Variants in CAP2 observed in about 807,000 individuals in gnomAD.
CAP2 encodes adenylyl cyclase-associated protein 2.
A neutral mutation model predicts 57.7 loss-of-function variants in CAP2; 24 were observed. The observed-to-expected ratio is 0.42, with a 90% confidence interval of 0.30 to 0.58. The LOEUF is 0.58. CAP2 is among the 20% of genes least tolerant of loss of function. CAP2 has a pLI of 0.22. For missense variants in CAP2, 501 were observed against 590.3 expected (o/e 0.85, Z 1.57); for synonymous variants, 194 against 207.2 (o/e 0.94, Z 0.55).
chr6:17,527,281 A>G (rs556915018), intron 7 of CAP2, among the ~76,000 whole-genome samples: 4 of 152,292 alleles, frequency 2.6e-5, no homozygotes, highest in African/African-American at 9.6e-5. Context: ...TTCAAGCCAC[A>G]TGTCCCTCTT....
chr6:17,459,271 T>G (rs543477045), intron 3 of CAP2, among the ~76,000 whole-genome samples: 1 of 152,286 alleles, frequency 6.6e-6, no homozygotes, highest in South Asian at 2.1e-4. Context: ...AAGACACAAA[T>G]AAAGACTGGA....
chr6:17,552,163 C>G (rs1368981153), intron 12 of CAP2, among the ~76,000 whole-genome samples: 1 of 152,194 alleles, frequency 6.6e-6, no homozygotes, highest in Non-Finnish European at 1.5e-5. Flanking sequence ...TCCAATGGCC[C>G]TTCTGAGAAA....
At chr6:17,412,489 A>G (rs1262859472) in intron 1 of CAP2, among the ~76,000 whole-genome samples, 1 of 152,202 alleles carries the variant, frequency 6.6e-6, no homozygotes, top group African/African-American at 2.4e-5. Context: ...TTGTCAGTGA[A>G]GGGGCTGGAT....
intron 12 of CAP2, 82 bp downstream of exon 12, chr6:17,551,686 C>T: frequency 9.4e-7 from 1 of 1,067,506 alleles, no homozygotes; most frequent in East Asian, 2.5e-5. Context: ...AATCAGCTAC[C>T]AACCTGCGAG....
intron 3 of CAP2, among the ~76,000 whole-genome samples, chr6:17,428,305 T>C (rs1759640926): frequency 6.6e-6 from 1 of 152,206 alleles, no homozygotes; most frequent in South Asian, 2.1e-4. Flanking sequence ...GGGTTAGTCA[T>C]TGTTTGCATT....
At chr6:17,400,319 C>A (rs982404852) in intron 1 of CAP2, among the ~76,000 whole-genome samples, 2 of 152,114 alleles carry the variant, frequency 1.3e-5, no homozygotes, top group African/African-American at 4.8e-5. Context: ...GAGAAAATAA[C>A]CTCTGTTACT....
chr6:17,411,041 T>G (rs995433273), intron 1 of CAP2, among the ~76,000 whole-genome samples: 3 of 140,206 alleles, frequency 2.1e-5, no homozygotes, highest in Non-Finnish European at 1.6e-5. Flanking sequence ...AATGGAATCA[T>G]ACAATACACA....
At chr6:17,526,364 C>T (rs1384230965) in intron 7 of CAP2, among the ~76,000 whole-genome samples, 2 of 151,938 alleles carry the variant, frequency 1.3e-5, no homozygotes, top group African/African-American at 4.8e-5. Flanking sequence ...GTGATCCAAC[C>T]TTCTGTGCCT....
chr6:17,418,509 C>T (rs1352345441), intron 1 of CAP2, among the ~76,000 whole-genome samples: 1 of 152,046 alleles, frequency 6.6e-6, no homozygotes, highest in Non-Finnish European at 1.5e-5. Flanking sequence ...TGAGATAGTG[C>T]GAGTTTGGGT....
chr6:17,518,965 A>G (rs1321010146), intron 7 of CAP2, among the ~76,000 whole-genome samples: 3 of 152,272 alleles, frequency 2.0e-5, no homozygotes, highest in South Asian at 2.1e-4. Context: ...AACCCATTCC[A>G]TCTTAACAGA....
chr6:17,489,578 G>A (rs929189095), intron 4 of CAP2, among the ~76,000 whole-genome samples: 1 of 152,134 alleles, frequency 6.6e-6, no homozygotes, highest in Non-Finnish European at 1.5e-5. Flanking sequence ...ATGTCCCACA[G>A]TTGGCATTAC....
chr6:17,556,442 A>C lies in CAP2; in HGVS notation c.1434A>C (p.Ter478TyrextTer10). 1 of 1,606,242 alleles carries C rather than the reference A, an allele frequency of 6.2e-7. No individual in the cohort carries two copies. The highest frequency in any genetic ancestry group is 8.5e-7 in the Non-Finnish European group (1 of 1,172,842). ...CTGAACCTGCAGAAATTATGGCCTA[A>C]CTTCCTGAGAGACCGAACCCCCTCA... ...LITEPAEIMA[*>Y] The change falls in exon 13 of 13, where the codon TAA becomes TAC. Residue 478 changes from the stop codon to tyrosine (Y), a stop_lost. Transcript: ENST00000229922.
At chr6:17,543,392 C>T (rs1293788959) in intron 11 of CAP2, among the ~76,000 whole-genome samples, 3 of 151,708 alleles carry the variant, frequency 2.0e-5, no homozygotes, top group Non-Finnish European at 4.4e-5. Context: ...CCGAGGTGGG[C>T]GGATCACGAG....
intron 2 of CAP2, among the ~76,000 whole-genome samples, chr6:17,424,588 G>A (rs566591845): frequency 1.4e-4 from 22 of 152,082 alleles, no homozygotes; most frequent in African/African-American, 2.7e-4. Flanking sequence ...TTTATAATGC[G>A]ACAAACACTG....
chr6:17,512,339 C>A (rs754459363), intron 6 of CAP2, among the ~76,000 whole-genome samples: 3 of 151,506 alleles, frequency 2.0e-5, no homozygotes, highest in Non-Finnish European at 4.4e-5. Context: ...GAGGCTACAG[C>A]AAGCTATGAT....
chr6:17,468,266 A>C (rs1374870927), intron 4 of CAP2, among the ~76,000 whole-genome samples: 1 of 152,142 alleles, frequency 6.6e-6, no homozygotes, highest in Non-Finnish European at 1.5e-5. Flanking sequence ...GGTGACCCCC[A>C]ATTTCAAATT....
At chr6:17,481,201 G>T (rs1398810197) in intron 4 of CAP2, among the ~76,000 whole-genome samples, 1 of 151,936 alleles carries the variant, frequency 6.6e-6, no homozygotes. Context: ...TGTGCTTTTT[G>T]ATATGTTATT....
chr6:17,511,196 C>T (rs1762137453), intron 6 of CAP2, among the ~76,000 whole-genome samples: 1 of 152,100 alleles, frequency 6.6e-6, no homozygotes, highest in Admixed American at 6.5e-5. Context: ...TCCCAGGTCA[C>T]CCTTGAGCTT....
intron 4 of CAP2, among the ~76,000 whole-genome samples, chr6:17,486,092 C>G (rs774754867): frequency 7.9e-5 from 12 of 152,168 alleles, no homozygotes; most frequent in African/African-American, 1.2e-4. Context: ...CACCTGTAGT[C>G]CCAGCTATCT....
Sources: gnomAD v4.1 joint callset for allele counts (sites outside exome capture counted in the v4.1 genomes callset) on GRCh38, gnomAD v4.1.1 for gene constraint, MANE v1.5 for transcripts, NCBI Gene and HGNC (gene_info 2026-07-23, HGNC 2026-07-21) for gene names.